Variants in NYAP2 observed in about 807,000 individuals in gnomAD.
NYAP2 encodes neuronal tyrosine-phosphorylated phosphoinositide-3-kinase adapter 2.
Under a neutral mutation model 50.4 loss-of-function variants are expected in NYAP2, and 23 were observed. That is an observed-to-expected ratio of 0.46 (90% CI 0.33 to 0.65). The LOEUF is 0.65. Ranked by LOEUF, NYAP2 falls within the 30% of genes least tolerant of loss-of-function variation. The pLI, the probability that NYAP2 is intolerant of heterozygous loss-of-function variation, is 0.02. For missense variants in NYAP2, 885 were observed against 861.0 expected (o/e 1.03, Z -0.35); for synonymous variants, 394 against 365.2 (o/e 1.08, Z -0.90).
chr2:225,427,371 T>C lies in NYAP2; in HGVS notation c.221+18270T>C, dbSNP rs537443519. Reference sequence around the variant, plus strand: ...TAGTCAAATACATTTTTCCTTTTAATATCACAGTTTCCTCGTCTGTGACAA... The same window carrying C: ...TAGTCAAATACATTTTTCCTTTTAACATCACAGTTTCCTCGTCTGTGACAA... On this transcript the variant is annotated intron_variant, in intron 3 of 6. Transcript: ENST00000636099. Among the ~76,000 whole-genome samples the C allele has an allele frequency of 2.0e-5, 3 of 152,370 alleles. No homozygotes were observed. In the South Asian group the frequency reaches 6.2e-4, roughly 32 times the overall value.
intron 3 of NYAP2, among the ~76,000 whole-genome samples, chr2:225,485,065 A>G (rs2106167358): frequency 6.6e-6 from 1 of 152,250 alleles, no homozygotes; most frequent in Middle Eastern, 3.4e-3. Context: ...TTGTGTCCCC[A>G]CCCAAATCTC....
intron 4 of NYAP2, among the ~76,000 whole-genome samples, chr2:225,531,590 T>C (rs1160703245): frequency 6.6e-6 from 1 of 152,218 alleles, no homozygotes; most frequent in African/African-American, 2.4e-5. Flanking sequence ...ACATTTTGAA[T>C]AATGTATGTT....
At chr2:225,505,007 C>CAA (rs1559198237) in intron 3 of NYAP2, among the ~76,000 whole-genome samples, 2 of 107,296 alleles carry the variant, frequency 1.9e-5, no homozygotes, top group South Asian at 3.8e-4. Context: ...GACTGCGTCT[C>CAA]GAAAAAAAAA....
chr2:225,597,820 C>A lies in NYAP2; in HGVS notation c.1618+14785C>A, dbSNP rs562560191. Among the ~76,000 whole-genome samples the A allele has an allele frequency of 3.3e-3, 494 of 151,696 alleles. 2 individuals are homozygous for A. Among genetic ancestry groups the A allele is most frequent in the African/African-American group, 0.011 (467 of 41,364 alleles). On this transcript the variant is annotated intron_variant, in intron 5 of 6. Transcript: ENST00000636099. The stretch of plus-strand genomic sequence containing the variant: ...CACAGGACAATACCTTGTAAATGTT[C>A]ATTGCTATGCAACTATAAAGGGTGA...
intron 4 of NYAP2, among the ~76,000 whole-genome samples, chr2:225,562,056 G>T (rs1300533410): frequency 6.6e-6 from 1 of 152,084 alleles, no homozygotes; most frequent in Admixed American, 6.6e-5. Flanking sequence ...AGACAGAGTG[G>T]GGCAGGAGGG....
chr2:225,640,730 C>T (rs1383487819), intron 6 of NYAP2, among the ~76,000 whole-genome samples: 4 of 152,064 alleles, frequency 2.6e-5, no homozygotes, highest in Non-Finnish European at 5.9e-5. Context: ...ACATAAGTTT[C>T]ATATTGTTAG....
chr2:225,513,543 AGCTGTG>A, exon 4 of NYAP2: 2 of 1,612,036 alleles, frequency 1.2e-6, no homozygotes, highest in Non-Finnish European at 1.7e-6. Flanking sequence ...CGATGACAGC[AGCTGTG>A]GCTCACGGAG....
At chr2:225,501,483 T>C (rs1354923586) in intron 3 of NYAP2, among the ~76,000 whole-genome samples, 1 of 152,192 alleles carries the variant, frequency 6.6e-6, no homozygotes, top group African/African-American at 2.4e-5. Flanking sequence ...AGCCTCTAAT[T>C]TGAGGTGAAG....
At chr2:225,526,948 A>G (rs1691161514) in intron 4 of NYAP2, among the ~76,000 whole-genome samples, 1 of 152,142 alleles carries the variant, frequency 6.6e-6, no homozygotes, top group Admixed American at 6.6e-5. Flanking sequence ...CAAACCAGGC[A>G]CTGCTCAGAT....
At chr2:225,637,727 G>C (rs1341995831) in intron 6 of NYAP2, among the ~76,000 whole-genome samples, 3 of 152,164 alleles carry the variant, frequency 2.0e-5, no homozygotes, top group Non-Finnish European at 4.4e-5. Flanking sequence ...TGGCTAGAAT[G>C]CATGTTTATC....
intron 4 of NYAP2, among the ~76,000 whole-genome samples, chr2:225,525,957 G>A (rs1304936703): frequency 6.6e-6 from 1 of 152,202 alleles, no homozygotes; most frequent in Non-Finnish European, 1.5e-5. Flanking sequence ...GGCAGCCTCT[G>A]AGAGTTGAGA....
At position 225,569,926 on chromosome 2, in the gene NYAP2, C is replaced by A. The variant is rs149173005; in HGVS notation, c.524-12015C>A. On this transcript the variant is annotated intron_variant, in intron 4 of 6. Coordinates refer to ENST00000636099, the Ensembl canonical transcript of NYAP2. ...CCTGATAGATACATTGTCTCCAATT[C>A]TTTTCTTTATCCTACTAGACTTGTG... 7.4e-4 allele frequency among the ~76,000 whole-genome samples: 112 copies of A among 152,266 alleles called. No homozygotes were observed. The East Asian group carries it at 0.02, about 27-fold the overall frequency.
At chr2:225,649,294 C>T (rs993555558) in intron 6 of NYAP2, among the ~76,000 whole-genome samples, 2 of 152,186 alleles carry the variant, frequency 1.3e-5, no homozygotes, top group Admixed American at 1.3e-4. Flanking sequence ...GCAAGCAATA[C>T]ATTCTGAAAT....
intron 4 of NYAP2, among the ~76,000 whole-genome samples, chr2:225,528,854 G>A (rs928124927): frequency 1.3e-5 from 2 of 152,158 alleles, no homozygotes; most frequent in African/African-American, 2.4e-5. Flanking sequence ...TATGAGACTC[G>A]ATGTTCCCAA....
exon 7 of NYAP2, chr2:225,653,103 C>G (rs896526041): frequency 4.6e-5 from 7 of 152,134 alleles, no homozygotes; most frequent in Non-Finnish European, 7.3e-5. Flanking sequence ...AAACTGCCAA[C>G]TTAGCTAATT....
chr2:225,408,979 C>T (rs754431845), exon 3 of NYAP2: 1 of 1,612,120 alleles, frequency 6.2e-7, no homozygotes, highest in Non-Finnish European at 8.5e-7. Flanking sequence ...CCTATGATGG[C>T]TTGGTTATTC....
chr2:225,537,485 A>C (rs1691372357), intron 4 of NYAP2, among the ~76,000 whole-genome samples: 1 of 152,214 alleles, frequency 6.6e-6, no homozygotes, highest in African/African-American at 2.4e-5. Flanking sequence ...CAGATAAGAC[A>C]AGAGAGTTTG....
intron 5 of NYAP2, among the ~76,000 whole-genome samples, chr2:225,622,448 T>C (rs1395175827): frequency 6.6e-6 from 1 of 152,250 alleles, no homozygotes; most frequent in Non-Finnish European, 1.5e-5. Flanking sequence ...GGTAGAAAGA[T>C]GACTCTAAAG....
intron 6 of NYAP2, among the ~76,000 whole-genome samples, chr2:225,630,653 G>A (rs867414100): frequency 2.2e-4 from 33 of 152,234 alleles, no homozygotes; most frequent in Admixed American, 1.9e-3. Context: ...TGTTGCATAA[G>A]CAGTAGATGG....
Sources: allele counts gnomAD v4.1 joint callset (sites outside exome capture counted in the v4.1 genomes callset), GRCh38; gene constraint gnomAD v4.1.1; transcripts MANE v1.5; gene names NCBI Gene and HGNC (gene_info 2026-07-23, HGNC 2026-07-21).